Variants in CAMTA1 observed in about 807,000 individuals in gnomAD.
CAMTA1 encodes the protein calmodulin binding transcription activator 1.
A neutral mutation model predicts 170.9 loss-of-function variants in CAMTA1; 27 were observed. The observed-to-expected ratio is 0.16, with a 90% CI of 0.12 to 0.22. The LOEUF (loss-of-function observed/expected upper bound fraction) is 0.22. Ranked by LOEUF, CAMTA1 falls within the 10% of genes least tolerant of loss-of-function variation. The pLI is 1.00. For missense variants in CAMTA1, 1,619 were observed against 2,217.2 expected (o/e 0.73, Z 5.42); for synonymous variants, 833 against 891.5 (o/e 0.93, Z 1.17).
At chr1:6,936,179 A>C (rs953950284) in intron 3 of CAMTA1, among the ~76,000 whole-genome samples, 1 of 152,218 alleles carries the variant, frequency 6.6e-6, no homozygotes, top group Admixed American at 6.5e-5. Context: ...TGGCTGCTGA[A>C]AGTCTGTGCC....
intron 6 of CAMTA1, among the ~76,000 whole-genome samples, chr1:7,509,680 T>C (rs1392349259): frequency 6.6e-6 from 1 of 152,178 alleles, no homozygotes; most frequent in Non-Finnish European, 1.5e-5. Flanking sequence ...AAAAACGTAC[T>C]GAGGCCTGAG....
At chr1:7,394,236 T>A (rs940126445) in intron 5 of CAMTA1, among the ~76,000 whole-genome samples, 1 of 152,198 alleles carries the variant, frequency 6.6e-6, no homozygotes, top group Admixed American at 6.5e-5. Flanking sequence ...CATATGGTAG[T>A]TCTATTTTTA....
chr1:7,645,586 A>C lies in CAMTA1; in HGVS notation c.664+5033A>C, dbSNP rs114395174. On this transcript the variant is annotated intron_variant, in intron 7 of 22. Coordinates refer to ENST00000303635, the MANE Select transcript of CAMTA1 (RefSeq NM_015215.4). ...TGGCTGGCCAGATGGCCCTGCAGCC[A>C]TGAGCAAGTCCTAGGCCTTCCTGCA... Among the ~76,000 whole-genome samples the C allele has an allele frequency of 6.4e-3, 972 of 152,330 alleles. 12 individuals are homozygous for C. Among genetic ancestry groups the C allele is most frequent in the African/African-American group, 0.022 (906 of 41,588 alleles).
At chr1:7,530,765 ATT>A (rs111706934) in intron 6 of CAMTA1, among the ~76,000 whole-genome samples, 1 of 124,972 alleles carries the variant, frequency 8.0e-6, no homozygotes. Flanking sequence ...CAGAATGTGG[ATT>A]TTTTTTTTTA....
intron 3 of CAMTA1, among the ~76,000 whole-genome samples, chr1:6,936,457 G>C (rs1441073313): frequency 6.6e-6 from 1 of 152,110 alleles, no homozygotes; most frequent in Non-Finnish European, 1.5e-5. Flanking sequence ...GATGCCTGTG[G>C]ATGGGGGCAG....
chr1:6,854,475 A>G (rs1661542070), intron 3 of CAMTA1, among the ~76,000 whole-genome samples: 1 of 152,196 alleles, frequency 6.6e-6, no homozygotes, highest in South Asian at 2.1e-4. Context: ...CATTTCTCAG[A>G]ATGTATCCCT....
chr1:7,320,659 T>G (rs911952158), intron 5 of CAMTA1, among the ~76,000 whole-genome samples: 17 of 149,168 alleles, frequency 1.1e-4, no homozygotes, highest in Middle Eastern at 6.9e-3. Flanking sequence ...GTTTTTTTTT[T>G]TTTTTTTTTT....
intron 5 of CAMTA1, among the ~76,000 whole-genome samples, chr1:7,334,529 C>A (rs1293512489): frequency 6.6e-6 from 1 of 152,202 alleles, no homozygotes; most frequent in African/African-American, 2.4e-5. Context: ...GTTGAACATA[C>A]AGTGTCATAA....
intron 6 of CAMTA1, among the ~76,000 whole-genome samples, chr1:7,504,124 C>T (rs897627514): frequency 2.0e-5 from 3 of 152,162 alleles, no homozygotes; most frequent in African/African-American, 2.4e-5. Context: ...ATACCATGGC[C>T]GGGGGACTCT....
intron 4 of CAMTA1, among the ~76,000 whole-genome samples, chr1:7,149,235 G>A (rs1224682539): frequency 6.6e-6 from 1 of 152,204 alleles, no homozygotes; most frequent in Non-Finnish European, 1.5e-5. Context: ...CTTGGGAGGG[G>A]TGCTCCTCCC....
At chr1:7,587,920 G>A (rs904547860) in intron 6 of CAMTA1, among the ~76,000 whole-genome samples, 1 of 152,112 alleles carries the variant, frequency 6.6e-6, no homozygotes, top group African/African-American at 2.4e-5. Context: ...TAAAGCACCG[G>A]GTACCTCCCC....
intron 4 of CAMTA1, among the ~76,000 whole-genome samples, chr1:7,110,867 A>G (rs1643990409): frequency 6.6e-6 from 1 of 152,192 alleles, no homozygotes; most frequent in Non-Finnish European, 1.5e-5. Context: ...CCTCTCCTCT[A>G]TGTAACAAAC....
At chr1:7,013,336 C>G (rs1700094624) in intron 3 of CAMTA1, among the ~76,000 whole-genome samples, 1 of 149,722 alleles carries the variant, frequency 6.7e-6, no homozygotes, top group African/African-American at 2.5e-5. Context: ...ATGCCTTAGC[C>G]TCCTGAGTAG....
chr1:6,933,468 C>T (rs1407933013), intron 3 of CAMTA1, among the ~76,000 whole-genome samples: 1 of 152,114 alleles, frequency 6.6e-6, no homozygotes, highest in Non-Finnish European at 1.5e-5. Flanking sequence ...CCATGTTGGC[C>T]AGGCTGGTCT....
At chr1:6,962,858 T>G (rs1184744282) in intron 3 of CAMTA1, among the ~76,000 whole-genome samples, 8 of 95,908 alleles carry the variant, frequency 8.3e-5, no homozygotes, top group Admixed American at 2.7e-4. Flanking sequence ...TTTCCATCCC[T>G]GCCTTGCCCT....
chr1:6,841,945 T>A (rs1218756446), intron 3 of CAMTA1, among the ~76,000 whole-genome samples: 2 of 152,090 alleles, frequency 1.3e-5, no homozygotes, highest in Non-Finnish European at 2.9e-5. Flanking sequence ...CCACGGGTGG[T>A]GGCCAAATCT....
chr1:7,470,850 C>T (rs1487402647), intron 6 of CAMTA1, among the ~76,000 whole-genome samples: 1 of 152,210 alleles, frequency 6.6e-6, no homozygotes, highest in Non-Finnish European at 1.5e-5. Flanking sequence ...CCACTTAGCA[C>T]TTAGTGGGCA....
intron 6 of CAMTA1, among the ~76,000 whole-genome samples, chr1:7,518,402 G>A (rs889466005): frequency 1.3e-5 from 2 of 151,852 alleles, no homozygotes; most frequent in African/African-American, 4.9e-5. Flanking sequence ...TTCACCAGGA[G>A]CCCAGTGACA....
At chr1:7,278,397 G>C (rs1205997941) in intron 5 of CAMTA1, among the ~76,000 whole-genome samples, 1 of 152,202 alleles carries the variant, frequency 6.6e-6, no homozygotes, top group Non-Finnish European at 1.5e-5. Flanking sequence ...TGTCTTCTCA[G>C]AGTTCTGTAG....
Sources: gnomAD v4.1 joint callset for allele counts (sites outside exome capture counted in the v4.1 genomes callset) on GRCh38, gnomAD v4.1.1 for gene constraint, MANE v1.5 for transcripts, NCBI Gene and HGNC (gene_info 2026-07-23, HGNC 2026-07-21) for gene names.